The following LRRK2 variants were observed in gnomAD, a reference collection of about 807,000 sequenced individuals.
LRRK2 encodes leucine rich repeat kinase 2, also known as leucine-rich repeat serine/threonine-protein kinase 2.
Under a neutral mutation model 302.6 loss-of-function variants are expected in LRRK2, and 203 were observed. That is an observed-to-expected ratio of 0.67 (90% CI 0.60 to 0.75). LRRK2 has a LOEUF of 0.75. Among genes scored for constraint, LRRK2 ranks in the 30% least tolerant of loss-of-function variants. The pLI is 0.00. For missense variants in LRRK2, 2,830 were observed against 2,951.0 expected (o/e 0.96, Z 0.95); for synonymous variants, 1,066 against 1,031.9 (o/e 1.03, Z -0.63).
chr12:40,240,643 T>C, intron 6 of LRRK2, 26 bp downstream of exon 6: 1 of 1,605,378 alleles, frequency 6.2e-7, no homozygotes, highest in Admixed American at 1.7e-5. Flanking sequence ...ATGTTATTTA[T>C]TTTTTGTATC....
At chr12:40,246,098 AC>A (rs1941968951) in intron 7 of LRRK2, among the ~76,000 whole-genome samples, 2 of 151,888 alleles carry the variant, frequency 1.3e-5, no homozygotes, top group Non-Finnish European at 1.5e-5. Flanking sequence ...AAGGGTTTAA[AC>A]TTTTAAAAAA....
chr12:40,330,037 A>G (rs535441432), intron 39 of LRRK2, among the ~76,000 whole-genome samples: 3 of 152,314 alleles, frequency 2.0e-5, no homozygotes, highest in Non-Finnish European at 2.9e-5. Flanking sequence ...TTACTGCTCT[A>G]AACAGGAGAG....
intron 5 of LRRK2, 107 bp downstream of exon 5, chr12:40,238,210 A>T: frequency 8.6e-7 from 1 of 1,159,208 alleles, no homozygotes; most frequent in Non-Finnish European, 1.2e-6. Context: ...AAATCCTACT[A>T]TTTATTAAGA....
At chr12:40,260,198 G>T (rs1040720379) in intron 13 of LRRK2, among the ~76,000 whole-genome samples, 6 of 151,912 alleles carry the variant, frequency 3.9e-5, no homozygotes, top group African/African-American at 1.5e-4. Flanking sequence ...CTGTGATGCT[G>T]TTAAACTTTA....
rs1060499538 is a variant in LRRK2 at position 40,364,927 on chromosome 12, A to T, written c.7267A>T (p.Thr2423Ser). The T allele has an allele frequency of 1.9e-6, 3 of 1,612,638 alleles. No homozygotes were observed. In the African/African-American group the frequency reaches 4.0e-5, roughly 22 times the overall value. ...RVKTLCLQKN[T>S]ALWIGTGGGH... ...GAAAACCCTCTGCCTTCAGAAGAAC[A>T]CTGCTCTTTGGATAGGAACTGGAGG... is the stretch of plus-strand genomic sequence containing the variant. The change falls in exon 49 of 51, where the codon ACT becomes TCT. Residue 2423 changes from threonine (T) to serine (S), a missense_variant. Transcript: ENST00000298910.
At position 40,345,622 on chromosome 12, in the gene LRRK2, CAAAAAAAAAAAA is replaced by C. The variant is rs144415226; in HGVS notation, c.6110-1119_6110-1108del. Among the ~76,000 whole-genome samples the C allele has an allele frequency of 1.1e-3, 73 of 67,516 alleles. No individual in the cohort carries two copies. The East Asian group carries it at 0.025, about 23-fold the overall frequency. 44.3% of individuals were successfully genotyped at this position (67,516 alleles called of 152,430 possible). Reference sequence around the variant, plus strand: ...TGGGCAAGAGAGTGAGACTCCATCTCAAAAAAAAAAAAAAAAAAAAAAAGAAAGAAAGAGTAG... The same window carrying C: ...TGGGCAAGAGAGTGAGACTCCATCTCAAAAAAAAAAAGAAAGAAAGAGTAG... On this transcript the variant is annotated intron_variant, in intron 41 of 50. Coordinates refer to ENST00000298910, the MANE Select transcript of LRRK2 (RefSeq NM_198578.4).
At chr12:40,304,194 C>T in intron 27 of LRRK2, 60 bp downstream of exon 27, 5 of 1,529,452 alleles carry the variant, frequency 3.3e-6, no homozygotes, top group Non-Finnish European at 4.5e-6. Context: ...TACAAATTAT[C>T]ATTTTAAGTG....
chr12:40,245,994 G>A (rs1453058588), intron 7 of LRRK2, among the ~76,000 whole-genome samples: 1 of 151,686 alleles, frequency 6.6e-6, no homozygotes, highest in Non-Finnish European at 1.5e-5. Context: ...GTGTTAAATA[G>A]AGCCATTGAT....
At chr12:40,329,379 T>C (rs1339416204) in intron 39 of LRRK2, among the ~76,000 whole-genome samples, 1 of 152,192 alleles carries the variant, frequency 6.6e-6, no homozygotes, top group Admixed American at 6.5e-5. Context: ...CGCTATTCTT[T>C]CTCCTTTTCC....
At chr12:40,348,235 G>A (rs559054256) in intron 42 of LRRK2, among the ~76,000 whole-genome samples, 174 bp from the exon 43 acceptor site, 2 of 152,056 alleles carry the variant, frequency 1.3e-5, no homozygotes, top group African/African-American at 4.8e-5. Context: ...TCTCTTAGTG[G>A]AGATCAAGTT....
intron 20 of LRRK2, among the ~76,000 whole-genome samples, chr12:40,292,906 T>C (rs1406024683): frequency 6.6e-6 from 1 of 152,056 alleles, no homozygotes; most frequent in Admixed American, 6.6e-5. Flanking sequence ...GCCAGCCAAA[T>C]TTATTGTGTT....
chr12:40,277,761 C>T, intron 16 of LRRK2, 127 bp from the exon 17 acceptor site: 1 of 860,394 alleles, frequency 1.2e-6, no homozygotes, highest in Non-Finnish European at 1.8e-6. Flanking sequence ...AAAGCACCAA[C>T]CCAATATATC....
intron 39 of LRRK2, among the ~76,000 whole-genome samples, chr12:40,329,653 A>C (rs544286566): frequency 6.6e-6 from 1 of 152,302 alleles, no homozygotes; most frequent in South Asian, 2.1e-4. Context: ...TATCAAAGTC[A>C]AATGGATTCT....
chr12:40,335,141 G>T lies in LRRK2; in HGVS notation c.5932G>T (p.Val1978Leu), dbSNP rs762384743. The change falls in exon 40 of 51, where the codon GTA becomes TTA. Residue 1978 changes from valine to leucine, a missense_variant. By Grantham distance (32) the Val-to-Leu change is conservative (BLOSUM62 1). Around this residue, in one of 3 missense-constraint regions of LRRK2, gnomAD observed 253 missense variants for 346.7 expected, o/e 0.73. Transcript: ENST00000298910. ...CCTACAGCACAGGATTGCACTCCACGTAGCTGATGGTTTGAGGTAAGTAGG... is the reference window on the plus strand; with the variant it reads ...CCTACAGCACAGGATTGCACTCCACTTAGCTGATGGTTTGAGGTAAGTAGG... ...RTLQHRIALHVADGLRYLHSA... is the reference protein window; with the variant it reads ...RTLQHRIALHLADGLRYLHSA... 6.2e-7 allele frequency: 1 copy of T among 1,614,050 alleles called. No individual in the cohort carries two copies. The highest frequency in any genetic ancestry group is 1.1e-5 in the South Asian group (1 of 91,080).
chr12:40,328,874 C>T (rs1435132754), intron 39 of LRRK2, among the ~76,000 whole-genome samples: 1 of 152,226 alleles, frequency 6.6e-6, no homozygotes, highest in Non-Finnish European at 1.5e-5. Context: ...AGACTCCTAG[C>T]TGCCTCCACC....
At chr12:40,315,674 C>A (rs981704447) in intron 33 of LRRK2, among the ~76,000 whole-genome samples, 3 of 151,954 alleles carry the variant, frequency 2.0e-5, no homozygotes, top group Non-Finnish European at 2.9e-5. Context: ...GCCTGTGAAA[C>A]CTCTATCTAG....
At chr12:40,329,070 T>G (rs2136918022) in intron 39 of LRRK2, among the ~76,000 whole-genome samples, 1 of 152,290 alleles carries the variant, frequency 6.6e-6, no homozygotes, top group African/African-American at 2.4e-5. Context: ...TGATTGAAGG[T>G]TAGAAATCTT....
intron 2 of LRRK2, among the ~76,000 whole-genome samples, chr12:40,230,640 C>T (rs1443788100): frequency 6.7e-6 from 1 of 149,448 alleles, no homozygotes; most frequent in Non-Finnish European, 1.5e-5. Context: ...TTCCATTAGT[C>T]TCTAGAGGGT....
intron 1 of LRRK2, 80 bp from the exon 2 acceptor site, chr12:40,225,475 C>G: frequency 1.5e-6 from 2 of 1,371,082 alleles, no homozygotes; most frequent in Non-Finnish European, 2.1e-6. Context: ...TTTGACTTTT[C>G]TCCCCGTTTC....
Sources: gnomAD v4.1 joint callset for allele counts (sites outside exome capture counted in the v4.1 genomes callset) on GRCh38, gnomAD v4.1.1 for gene constraint, gnomAD v4.1.1 regional missense constraint, MANE v1.5 for transcripts, NCBI Gene and HGNC (gene_info 2026-07-23, HGNC 2026-07-21) for gene names.